The following GOLM1 variants were observed in gnomAD, a reference collection of about 807,000 sequenced individuals.
GOLM1 encodes the protein golgi membrane protein 1.
GOLM1 carries 31 observed loss-of-function variants against 50.5 expected under a neutral mutation model. The ratio of observed to expected loss-of-function variants is 0.61; its 90% CI spans 0.46 to 0.83. The LOEUF (loss-of-function observed/expected upper bound fraction) is 0.83, where lower values mean the gene tolerates loss of function less well. Ranked by LOEUF, GOLM1 falls within the 40% of genes least tolerant of loss-of-function variation. GOLM1 has a pLI of 0.00. For missense variants in GOLM1, 491 were observed against 501.3 expected (o/e 0.98, Z 0.20); for synonymous variants, 178 against 192.8 (o/e 0.92, Z 0.64).
intron 6 of GOLM1, 74 bp from the exon 7 acceptor site, chr9:86,036,581 G>A: frequency 6.8e-7 from 1 of 1,469,310 alleles, no homozygotes; most frequent in Non-Finnish European, 9.3e-7. Flanking sequence ...TCCTACCAAT[G>A]CAATGAATCC....
chr9:86,033,201 G>T (rs996870628), intron 9 of GOLM1, 81 bp downstream of exon 9: 1 of 782,636 alleles, frequency 1.3e-6, no homozygotes, highest in Non-Finnish European at 2.2e-6. Context: ...TAATTTTGGG[G>T]ATTCATTGGA....
At chr9:86,085,101 A>T (rs866052133) in intron 1 of GOLM1, 11 of 152,304 alleles carry the variant, frequency 7.2e-5, no homozygotes, top group Non-Finnish European at 1.0e-4. Flanking sequence ...CCTTCTTTTC[A>T]TATAGAGGTT....
Position 86,036,319 on chromosome 9 carries a change from G to C in GOLM1, c.757+29C>G, listed in dbSNP as rs182505837. The C allele has an allele frequency of 4.6e-4, 736 of 1,613,024 alleles. 1 individual carries two copies. The highest frequency in any genetic ancestry group is 6.0e-4 in the Non-Finnish European group (712 of 1,178,940). On this transcript the variant is annotated intron_variant, in intron 7 of 9. Transcript: ENST00000388712. ...CTCTGATGGGGCTCTGGAGAGCTGG[G>C]AACAGGGCAACTGCTGGGCTCTGCT... is the stretch of plus-strand genomic sequence containing the variant.
chr9:86,072,802 C>G (rs1253978707), intron 3 of GOLM1, among the ~76,000 whole-genome samples: 1 of 152,142 alleles, frequency 6.6e-6, no homozygotes, highest in East Asian at 1.9e-4. Context: ...GATATTATAG[C>G]CTACTGTACA....
chr9:86,041,696 A>C (rs1057451679), intron 5 of GOLM1, among the ~76,000 whole-genome samples: 3 of 152,176 alleles, frequency 2.0e-5, no homozygotes, highest in Non-Finnish European at 4.4e-5. Context: ...CTAAAGCTGT[A>C]GCCAGCCAGG....
chr9:86,062,527 G>C (rs1218849442), intron 3 of GOLM1, among the ~76,000 whole-genome samples: 1 of 150,956 alleles, frequency 6.6e-6, no homozygotes, highest in African/African-American at 2.4e-5. Flanking sequence ...AGGGAGAGGA[G>C]GAGGGAAGAA....
At chr9:86,077,756 G>A (rs1482045246) in intron 2 of GOLM1, 165 bp from the exon 3 acceptor site, 7 of 574,092 alleles carry the variant, frequency 1.2e-5, no homozygotes, top group South Asian at 4.8e-5. Context: ...AAGCTGGAGC[G>A]GTTTCTTCTG....
intron 1 of GOLM1, among the ~76,000 whole-genome samples, chr9:86,096,606 G>C (rs1039613531): frequency 2.0e-5 from 3 of 152,202 alleles, no homozygotes; most frequent in African/African-American, 4.8e-5. Context: ...TCTATACTGA[G>C]TCAGCCTTGC....
At chr9:86,069,042 C>T (rs1012011922) in intron 3 of GOLM1, among the ~76,000 whole-genome samples, 1 of 151,922 alleles carries the variant, frequency 6.6e-6, no homozygotes, top group African/African-American at 2.4e-5. Context: ...AAGAACCCCA[C>T]TTATATTCTA....
In GOLM1 at chr9:86,085,453, G is replaced by GTTT. The variant is rs11397922; in HGVS notation, c.-21-6115_-21-6113dup. ...TACAGAAATTTTGCCCAAAGTTTTT[G>GTTT]TTTTTTTTTTTTTTTTTGAAGGTTC... is the stretch of plus-strand genomic sequence containing the variant. On this transcript the variant is annotated intron_variant, in intron 1 of 9. Transcript: ENST00000388712. 1.7e-3 allele frequency among the ~76,000 whole-genome samples: 160 copies of GTTT among 93,170 alleles called. 1 individual carries two copies. Among genetic ancestry groups the GTTT allele is most frequent in the South Asian group, 1.9e-3 (5 of 2,578 alleles). The allele number at this position is 93,170 out of a possible 152,430, so 61.1% of individuals were successfully genotyped here. A position where few individuals can be genotyped will look rare whatever the true frequency, so the allele number is the denominator to read the frequency against.
At chr9:86,086,428 T>C (rs1306327230) in intron 1 of GOLM1, among the ~76,000 whole-genome samples, 5 of 152,216 alleles carry the variant, frequency 3.3e-5, no homozygotes, top group Admixed American at 2.0e-4. Flanking sequence ...TTCACTCTGA[T>C]GATAGCCTCT....
chr9:86,027,431 A>C lies in GOLM1; in HGVS notation c.*386T>G, dbSNP rs990576493. The C allele has an allele frequency of 2.0e-6, 2 of 1,020,058 alleles. No homozygotes were observed. Among genetic ancestry groups the C allele is most frequent in the Non-Finnish European group, 1.2e-6 (1 of 852,568 alleles). 63.2% of individuals were successfully genotyped at this position (1,020,058 alleles called of 1,614,324 possible). On this transcript the variant is annotated 3_prime_UTR_variant, in exon 10 of 10. Coordinates refer to ENST00000388712, the MANE Select transcript of GOLM1 (RefSeq NM_016548.4). Reference sequence around the variant, plus strand: ...ACGTGGACAGGACGACGGAACCCAGAGTTCTCTGTCTCTCCTTCACAGCAG... The same window carrying C: ...ACGTGGACAGGACGACGGAACCCAGCGTTCTCTGTCTCTCCTTCACAGCAG...
chr9:86,056,193 C>A (rs1833980912), intron 3 of GOLM1, among the ~76,000 whole-genome samples: 1 of 152,062 alleles, frequency 6.6e-6, no homozygotes, highest in Admixed American at 6.6e-5. Flanking sequence ...GATACTACTG[C>A]AATTTGAAAT....
Position 86,027,084 on chromosome 9 carries a change from AG to A in GOLM1, c.*732del. ...TTGCTTTTCTTGGTAATATATATTT[AG>A]GGAAGATGTTGCTTTGCCCACACAC... On this transcript the variant is annotated 3_prime_UTR_variant, in exon 10 of 10. Transcript: ENST00000388712. The A allele has an allele frequency of 1.0e-6, 1 of 985,318 alleles. No homozygotes were observed. 61.0% of individuals were successfully genotyped at this position (985,318 alleles called of 1,614,324 possible). A position where few individuals can be genotyped will look rare whatever the true frequency, so the allele number is the denominator to read the frequency against.
At chr9:86,086,245 T>C (rs1041291829) in intron 1 of GOLM1, among the ~76,000 whole-genome samples, 1 of 152,382 alleles carries the variant, frequency 6.6e-6, no homozygotes, top group East Asian at 1.9e-4. Context: ...TTTGTTCATA[T>C]GTTTGTTGGC....
chr9:86,072,670 A>G (rs1834482333), intron 3 of GOLM1, among the ~76,000 whole-genome samples: 1 of 152,260 alleles, frequency 6.6e-6, no homozygotes, highest in African/African-American at 2.4e-5. Context: ...CAGCTCTATC[A>G]AATTACATTT....
chr9:86,035,322 T>C lies in GOLM1; in HGVS notation c.1015+46A>G, dbSNP rs1833097853. 6.3e-6 allele frequency: 10 copies of C among 1,592,950 alleles called. No individual in the cohort carries two copies. The East Asian group carries it at 1.6e-4, about 25-fold the overall frequency. On this transcript the variant is annotated intron_variant, in intron 8 of 9. Transcript: ENST00000388712. ...GAAGGACATGGAGGTGGGCTGGGTGTCTGGTGGAAGGGAGTCCACAGCGGC... is the reference window on the plus strand; with the variant it reads ...GAAGGACATGGAGGTGGGCTGGGTGCCTGGTGGAAGGGAGTCCACAGCGGC...
chr9:86,045,516 A>C (rs1478045439), intron 5 of GOLM1, among the ~76,000 whole-genome samples: 1 of 147,086 alleles, frequency 6.8e-6, no homozygotes, highest in Non-Finnish European at 1.5e-5. Context: ...CGACTAAAAA[A>C]ATACAAACAT....
chr9:86,053,630 T>TTCC (rs200447777), intron 3 of GOLM1, among the ~76,000 whole-genome samples: 1 of 2,370 alleles, frequency 4.2e-4, no homozygotes, highest in Admixed American at 4.8e-3. Context: ...CAAACATCAC[T>TTCC]ACAAAACACA....
Sources: allele counts gnomAD v4.1 joint callset (sites outside exome capture counted in the v4.1 genomes callset), GRCh38; gene constraint gnomAD v4.1.1; transcripts MANE v1.5; gene names NCBI Gene and HGNC (gene_info 2026-07-23, HGNC 2026-07-21).